The following CANX variants were observed in gnomAD, a reference collection of about 807,000 sequenced individuals.
The protein encoded by CANX is epididymis secretory sperm binding protein.
Under a neutral mutation model 75.7 loss-of-function variants are expected in CANX, and 14 were observed. The ratio of observed to expected loss-of-function variants is 0.19; its 90% CI spans 0.12 to 0.29. The LOEUF is 0.29. Among genes scored for constraint, CANX ranks in the 10% least tolerant of loss-of-function variants. CANX has a pLI of 1.00. For missense variants in CANX, 567 were observed against 713.2 expected, an observed-to-expected ratio of 0.79 and a Z score of 2.34; for synonymous variants, 227 against 236.9, an observed-to-expected ratio of 0.96 and a Z score of 0.38.
chr5:179,682,292 C>T (rs1320132867), intron 1 of CANX, among the ~76,000 whole-genome samples: 2 of 151,360 alleles, frequency 1.3e-5, no homozygotes, highest in Admixed American at 6.6e-5. Flanking sequence ...ATAAGAATAT[C>T]CAGGCCGGGC....
Position 179,684,924 on chromosome 5 carries a change from G to GTTTTTTTTTTTTTTTTTTT in CANX, c.-4+6148_-4+6149insTTTTTTTTTTTTTTTTTTT, listed in dbSNP as rs781629512. Among the ~76,000 whole-genome samples the GTTTTTTTTTTTTTTTTTTT allele has an allele frequency of 1.0e-4, 3 of 28,984 alleles. 1 individual carries two copies. The highest frequency in any genetic ancestry group is 9.3e-4 in the Admixed American group (2 of 2,160). The allele number at this position is 28,984 out of a possible 152,430, so 19.0% of individuals were successfully genotyped here. A position where few individuals can be genotyped will look rare whatever the true frequency, so the allele number is the denominator to read the frequency against. ...TGTGCCACCACACCTGGCTAATTTT[G>GTTTTTTTTTTTTTTTTTTT]TATTTTTTTTTTTTTTTTTTTTTTT... On this transcript the variant is annotated intron_variant, in intron 1 of 14. Coordinates refer to the CANX transcript ENST00000681674.
At chr5:179,717,678 T>C (rs952311739) in intron 8 of CANX, among the ~76,000 whole-genome samples, 13 of 152,208 alleles carry the variant, frequency 8.5e-5, no homozygotes, top group Non-Finnish European at 2.9e-5. Context: ...GCTATGAATG[T>C]TCATGTACTG....
At chr5:179,687,727 G>C (rs905672848) in intron 1 of CANX, among the ~76,000 whole-genome samples, 2 of 152,026 alleles carry the variant, frequency 1.3e-5, no homozygotes, top group Non-Finnish European at 1.5e-5. Flanking sequence ...TCCACAGTAT[G>C]TCTATGTTAT....
At chr5:179,715,766 T>C (rs1223682615) in intron 7 of CANX, 1 of 292,740 alleles carries the variant, frequency 3.4e-6, no homozygotes, top group Non-Finnish European at 6.6e-6. Context: ...GTCTTCTCAC[T>C]GGTGTATATG....
At chr5:179,686,375 G>A (rs535924824) in intron 1 of CANX, among the ~76,000 whole-genome samples, 1 of 151,856 alleles carries the variant, frequency 6.6e-6, no homozygotes, top group Non-Finnish European at 1.5e-5. Context: ...TGGGATTACA[G>A]GTGTGAGCCA....
upstream of CANX, chr5:179,698,436 A>C (rs1776487510): frequency 7.8e-7 from 1 of 1,284,766 alleles, no homozygotes; most frequent in African/African-American, 1.5e-5. Flanking sequence ...CAATCCGGCC[A>C]GGCGCTCGCG....
intron 1 of CANX, among the ~76,000 whole-genome samples, chr5:179,692,947 C>T (rs1185902806): frequency 1.3e-5 from 2 of 151,742 alleles, no homozygotes; most frequent in African/African-American, 2.4e-5. Context: ...GAGTTCAAGA[C>T]CAGCCTGGCC....
At chr5:179,718,971 ATT>A (rs756637582) in intron 8 of CANX, among the ~76,000 whole-genome samples, 2 of 133,542 alleles carry the variant, frequency 1.5e-5, no homozygotes, top group African/African-American at 2.8e-5. Context: ...GGCCTTGTGT[ATT>A]TTTTTTTTTT....
intron 10 of CANX, 63 bp downstream of exon 10, chr5:179,720,623 A>T (rs754514407): frequency 2.0e-6 from 3 of 1,480,396 alleles, no homozygotes; most frequent in Non-Finnish European, 2.8e-6. Context: ...TAGAAGTTTT[A>T]TCTAGAGTAA....
At chr5:179,712,742 G>T (rs1311021511) in intron 7 of CANX, among the ~76,000 whole-genome samples, 1 of 150,116 alleles carries the variant, frequency 6.7e-6, no homozygotes, top group Non-Finnish European at 1.5e-5. Flanking sequence ...TAATTTTTTT[G>T]AGGCGGAGTA....
At chr5:179,711,927 A>G (rs1409798288) in intron 7 of CANX, among the ~76,000 whole-genome samples, 3 of 151,600 alleles carry the variant, frequency 2.0e-5, no homozygotes, top group African/African-American at 4.9e-5. Context: ...GTGAAACGTC[A>G]TCTCTACTGA....
At chr5:179,726,591 AAAT>A in intron 13 of CANX, 86 bp from the exon 14 acceptor site, 1 of 900,318 alleles carries the variant, frequency 1.1e-6, no homozygotes, top group South Asian at 1.7e-5. Flanking sequence ...AAAAAAAAAA[AAAT>A]TGTAGATCTA....
At chr5:179,707,219 T>A (rs1777192161) in intron 4 of CANX, 29 bp downstream of exon 4, 9 of 1,205,984 alleles carry the variant, frequency 7.5e-6, no homozygotes, top group Non-Finnish European at 9.9e-6. Flanking sequence ...TTAGATATAA[T>A]AGCAGATAGA....
At chr5:179,679,152 T>C (rs1372712360) in intron 1 of CANX, 2 of 1,535,388 alleles carry the variant, frequency 1.3e-6, no homozygotes, top group African/African-American at 2.7e-5. Context: ...GCGTGGACCT[T>C]GTAGGGCACG....
chr5:179,683,679 G>A (rs1776129501), intron 1 of CANX, among the ~76,000 whole-genome samples: 1 of 151,726 alleles, frequency 6.6e-6, no homozygotes, highest in African/African-American at 2.4e-5. Flanking sequence ...GATTACAGGT[G>A]CCTGCCACCA....
chr5:179,705,666 T>G lies in CANX; in HGVS notation c.-3-13T>G. ...TGGCAATACATTTAACTGATTTTGC[T>G]CTTTATGTGTAGATCATGGAAGGGA... On this transcript the variant is annotated splice_polypyrimidine_tract_variant and intron_variant, in intron 1 of 14. Coordinates refer to ENST00000247461, the MANE Select transcript of CANX (RefSeq NM_001746.4). 6.2e-7 allele frequency: 1 copy of G among 1,603,320 alleles called. No individual in the cohort carries two copies. Among genetic ancestry groups the G allele is most frequent in the Non-Finnish European group, 8.5e-7 (1 of 1,172,414 alleles).
intron 1 of CANX, chr5:179,699,870 G>T: frequency 6.6e-6 from 1 of 152,356 alleles, no homozygotes. Flanking sequence ...TAAGGCCCTG[G>T]CTCGAGTCTT....
intron 1 of CANX, among the ~76,000 whole-genome samples, chr5:179,686,905 G>A (rs1776199631): frequency 6.6e-6 from 1 of 152,122 alleles, no homozygotes; most frequent in African/African-American, 2.4e-5. Flanking sequence ...AGCCTCCTGA[G>A]TAGCTGGGAC....
chr5:179,708,080 G>A (rs1462502521), intron 4 of CANX, among the ~76,000 whole-genome samples, 159 bp from the exon 5 acceptor site: 5 of 152,028 alleles, frequency 3.3e-5, no homozygotes, highest in Non-Finnish European at 7.4e-5. Flanking sequence ...TGAGTGATCC[G>A]CCTGCCCTCA....
Sources: gnomAD v4.1 joint callset for allele counts (sites outside exome capture counted in the v4.1 genomes callset) on GRCh38, gnomAD v4.1.1 for gene constraint, MANE v1.5 for transcripts, NCBI Gene and HGNC (gene_info 2026-07-23, HGNC 2026-07-21) for gene names.